KCNT1: variants seen among roughly 807,000 people sequenced by gnomAD.
KCNT1 encodes potassium channel subfamily T member 1.
In KCNT1, 78 loss-of-function variants were observed where a neutral mutation model predicts 147.8. The observed-to-expected ratio is 0.53, with a 90% CI of 0.44 to 0.64. The LOEUF (loss-of-function observed/expected upper bound fraction) is 0.64. KCNT1 is among the 30% of genes least tolerant of loss of function. KCNT1 has a pLI of 0.00. For synonymous variants in KCNT1, 867 were observed against 748.8 expected (o/e 1.16, Z -2.58); for missense variants, 1,419 against 1,750.3 (o/e 0.81, Z 3.38).
Position 135,760,576 on chromosome 9 carries a change from C to T in KCNT1, c.1035+717C>T, listed in dbSNP as rs548584838. On this transcript the variant is annotated intron_variant, in intron 11 of 30. Transcript: ENST00000371757. ...AGACCCCCAGGTGGCTGCAGGATGC[C>T]GGGGAGACAGGGCAGTGCTCCTAGG... 1.4e-4 allele frequency among the ~76,000 whole-genome samples: 22 copies of T among 152,250 alleles called. 1 individual carries two copies. The highest frequency in any genetic ancestry group is 1.4e-3 in the East Asian group (7 of 5,180).
chr9:135,724,554 T>G (rs1836052454), intron 2 of KCNT1, among the ~76,000 whole-genome samples: 2 of 152,224 alleles, frequency 1.3e-5, no homozygotes, highest in African/African-American at 2.4e-5. Context: ...GAGGTCAAGT[T>G]GAGTGTCTGC....
At position 135,791,884 on chromosome 9, in the gene KCNT1, G is replaced by A. The variant is rs1588422718; in HGVS notation, c.3587+3G>A. The A allele has an allele frequency of 6.2e-7, 1 of 1,613,678 alleles. No homozygotes were observed. Among genetic ancestry groups the A allele is most frequent in the Non-Finnish European group, 8.5e-7 (1 of 1,179,860 alleles). ...AGGCTGGAGCCCAGTGACATTGTGT[G>A]AGTAGCACCTGTGGGCTGTGTGGAG... is the stretch of plus-strand genomic sequence containing the variant. On this transcript the variant is annotated splice_donor_region_variant and intron_variant, in intron 30 of 30. Transcript: ENST00000371757.
In KCNT1 at chr9:135,750,202, C is replaced by T. The variant is rs758414167; in HGVS notation, c.334+25C>T. ...AGTGAGTGGGGTGCCTGGAGGGCCA[C>T]TCCCAGGCAGGGAGGTGTTGAGGGC... On this transcript the variant is annotated intron_variant, in intron 3 of 30. Transcript: ENST00000371757. The T allele has an allele frequency of 8.8e-6, 14 of 1,597,622 alleles. No homozygotes were observed. In the Admixed American group the frequency reaches 2.3e-4, roughly 27 times the overall value.
In KCNT1 at chr9:135,765,761, G is replaced by A. The variant is rs1341901409; in HGVS notation, c.1337+1G>A. The A allele has an allele frequency of 6.3e-7, 1 of 1,592,616 alleles. No individual in the cohort carries two copies. Among genetic ancestry groups the A allele is most frequent in the Admixed American group, 1.7e-5 (1 of 59,442 alleles). ...AAGACCAGGACCTCATGCGAGCCAA[G>A]TGAGTGCTGGTGGGCGGAGGGGGTG... is the stretch of plus-strand genomic sequence containing the variant. On this transcript the variant is annotated splice_donor_variant, in intron 13 of 30. Transcript: ENST00000371757. LOFTEE classifies it high-confidence loss of function.
At chr9:135,713,423 C>T (rs1282580580) in intron 1 of KCNT1, among the ~76,000 whole-genome samples, 2 of 152,246 alleles carry the variant, frequency 1.3e-5, no homozygotes, top group African/African-American at 4.8e-5. Context: ...GCCCATAGCT[C>T]CTTGCCTGCT....
chr9:135,736,879 A>C (rs1830363206), intron 2 of KCNT1: 2 of 281,398 alleles, frequency 7.1e-6, no homozygotes, highest in Admixed American at 1.1e-4. Flanking sequence ...CGTTGCCTGC[A>C]GCCCGGGGAA....
chr9:135,786,188 C>G lies in KCNT1; in HGVS notation c.3178-9C>G. 1.2e-6 allele frequency: 2 copies of G among 1,607,326 alleles called. No homozygotes were observed. Among genetic ancestry groups the G allele is most frequent in the Non-Finnish European group, 1.7e-6 (2 of 1,177,854 alleles). On this transcript the variant is annotated splice_polypyrimidine_tract_variant and intron_variant, in intron 28 of 30. Transcript: ENST00000371757. ...CCCTCCCCGCCCTGCCCTGCCCTGC[C>G]CTGCCCAGTCCCAGATCTCGGTGAA...
chr9:135,776,742 C>A lies in KCNT1; in HGVS notation c.2350-596C>A, dbSNP rs570193071. On this transcript the variant is annotated intron_variant, in intron 20 of 30. Transcript: ENST00000371757. ...TGCAGTAGCATCATCCTTGACAGAT[C>A]GTTATTGATTCTGATGCTCGGACCC... Among the ~76,000 whole-genome samples the A allele has an allele frequency of 2.2e-4, 34 of 152,322 alleles. No homozygotes were observed. The South Asian group carries it at 6.8e-3, about 31-fold the overall frequency.
intron 18 of KCNT1, 135 bp from the exon 19 acceptor site, chr9:135,772,580 A>G (rs911935900): frequency 6.3e-5 from 33 of 524,460 alleles, no homozygotes; most frequent in Non-Finnish European, 9.4e-5. Context: ...CATAGATTGA[A>G]GCTCCTCAGC....
chr9:135,726,073 C>T (rs1480469844), intron 2 of KCNT1, among the ~76,000 whole-genome samples: 1 of 152,116 alleles, frequency 6.6e-6, no homozygotes, highest in Non-Finnish European at 1.5e-5. Flanking sequence ...CACATCCTCC[C>T]CTGACCTTGA....
chr9:135,710,186 T>A (rs1210095200), intron 1 of KCNT1, among the ~76,000 whole-genome samples: 1 of 152,184 alleles, frequency 6.6e-6, no homozygotes, highest in Non-Finnish European at 1.5e-5. Flanking sequence ...GATTTTTGGG[T>A]TTCGTGTATT....
At chr9:135,774,362 GTGTC>G (rs1352455722) in intron 19 of KCNT1, among the ~76,000 whole-genome samples, 7 of 145,234 alleles carry the variant, frequency 4.8e-5, no homozygotes, top group Non-Finnish European at 1.1e-4. Context: ...GGTGCGTGTT[GTGTC>G]TGTGTGTGGT....
chr9:135,781,589 A>G (rs1833611242), intron 24 of KCNT1, among the ~76,000 whole-genome samples: 1 of 152,142 alleles, frequency 6.6e-6, no homozygotes, highest in African/African-American at 2.4e-5. Flanking sequence ...CCAATTTATT[A>G]TAAAAATGTA....
At chr9:135,726,929 CT>C (rs1836184195) in intron 2 of KCNT1, among the ~76,000 whole-genome samples, 2 of 120,806 alleles carry the variant, frequency 1.7e-5, no homozygotes, top group Admixed American at 7.7e-5. Flanking sequence ...CTCTCTCTCT[CT>C]CCCTCCCTCT....
At chr9:135,747,016 G>A (rs1032399776) in intron 2 of KCNT1, among the ~76,000 whole-genome samples, 10 of 152,046 alleles carry the variant, frequency 6.6e-5, no homozygotes, top group African/African-American at 2.4e-4. Context: ...GGATGCCAGA[G>A]GGTAGAGTGG....
At chr9:135,759,987 G>A in intron 11 of KCNT1, 128 bp downstream of exon 11, 1 of 881,738 alleles carries the variant, frequency 1.1e-6, no homozygotes, top group Non-Finnish European at 1.7e-6. Context: ...AGTGAGGCCA[G>A]GCGGGTGGTG....
chr9:135,772,658 T>TCGCC, intron 18 of KCNT1, 57 bp from the exon 19 acceptor site: 1 of 1,290,160 alleles, frequency 7.8e-7, no homozygotes. Flanking sequence ...CTCTGGGAAC[T>TCGCC]CGCCGCCCAT....
chr9:135,769,876 T>C, intron 15 of KCNT1, 71 bp from the exon 16 acceptor site: 1 of 1,119,814 alleles, frequency 8.9e-7, no homozygotes, highest in South Asian at 1.4e-5. Flanking sequence ...CTTCAGGAAG[T>C]GAGCAGGTAC....
chr9:135,777,577 C>T (rs1833258867), intron 21 of KCNT1, 67 bp downstream of exon 21: 1 of 1,471,876 alleles, frequency 6.8e-7, no homozygotes, highest in Admixed American at 1.9e-5. Context: ...AGCAGCCTCC[C>T]CAACTGGGCC....
Sources: allele counts gnomAD v4.1 joint callset (sites outside exome capture counted in the v4.1 genomes callset), GRCh38; gene constraint gnomAD v4.1.1; transcripts MANE v1.5; gene names NCBI Gene and HGNC (gene_info 2026-07-23, HGNC 2026-07-21).